The following ESF1 variants were observed in gnomAD, a reference collection of about 807,000 sequenced individuals.
The protein encoded by ESF1 is ESF1 homolog.
Under a neutral mutation model 92.0 loss-of-function variants are expected in ESF1, and 58 were observed. The ratio of observed to expected loss-of-function variants is 0.63; its 90% CI spans 0.51 to 0.78. The LOEUF is 0.78. Among genes scored for constraint, ESF1 ranks in the 30% least tolerant of loss-of-function variants. The pLI is 0.00. For synonymous variants in ESF1, 321 were observed against 313.7 expected (o/e 1.02, Z -0.24); for missense variants, 922 against 989.1 (o/e 0.93, Z 0.91).
rs769003434 is a variant in ESF1, at chr20:13,782,644, T to G, written c.497A>C (p.Lys166Thr). The G allele has an allele frequency of 6.2e-7, 1 of 1,607,126 alleles. No individual in the cohort carries two copies. Among genetic ancestry groups the G allele is most frequent in the East Asian group, 2.2e-5 (1 of 44,734 alleles). ...KDSKEFTQKNKKEKKNIVQHT... is the reference protein window; with the variant it reads ...KDSKEFTQKNTKEKKNIVQHT... Reference sequence around the variant, plus strand: ...TTGAACAATGTTTTTTTTCTCTTTCTTATTTTTTTGTGTAAATTCTTTGCT... The same window carrying G: ...TTGAACAATGTTTTTTTTCTCTTTCGTATTTTTTTGTGTAAATTCTTTGCT... The change falls in exon 2 of 14, where the codon AAG becomes ACG. Residue 166 changes from lysine to threonine, a missense_variant. Lys to Thr is a moderately conservative substitution (Grantham distance 78). Transcript: ENST00000617257.
chr20:13,756,562 T>C (rs1978907146), intron 9 of ESF1, among the ~76,000 whole-genome samples: 1 of 152,222 alleles, frequency 6.6e-6, no homozygotes, highest in African/African-American at 2.4e-5. Flanking sequence ...TCTGGGAAAC[T>C]ATCCTATGAA....
Position 13,714,920 on chromosome 20 carries a change from G to GT in ESF1, c.2509dup (p.Thr837AsnfsTer25). 1 of 1,612,516 alleles carries GT rather than the reference G, an allele frequency of 6.2e-7. No homozygotes were observed. Among genetic ancestry groups the GT allele is most frequent in the South Asian group, 1.1e-5 (1 of 90,704 alleles). ...TCTTGCTTGAAACTGCTCTGTTTTG[G>GT]TTTTTATAGATTTAATCAACATTGA... On this transcript the variant is annotated frameshift_variant, in exon 14 of 14. Transcript: ENST00000617257. LOFTEE classifies it high-confidence loss of function.
At chr20:13,739,000 G>A (rs907904224) in intron 9 of ESF1, among the ~76,000 whole-genome samples, 3 of 152,088 alleles carry the variant, frequency 2.0e-5, no homozygotes, top group Non-Finnish European at 4.4e-5. Context: ...AATACTCTTT[G>A]GGTGCACTTA....
At chr20:13,727,484 C>T (rs2049908223) in intron 11 of ESF1, among the ~76,000 whole-genome samples, 1 of 152,184 alleles carries the variant, frequency 6.6e-6, no homozygotes, top group Non-Finnish European at 1.5e-5. Flanking sequence ...AGGGAAACTT[C>T]ATAAACTCCT....
At chr20:13,774,911 C>T (rs191757514) in intron 4 of ESF1, among the ~76,000 whole-genome samples, 12 of 152,136 alleles carry the variant, frequency 7.9e-5, no homozygotes, top group Admixed American at 7.9e-4. Flanking sequence ...TATGCTGTCC[C>T]TTTACTGAGC....
At chr20:13,725,014 T>C (rs2049891943) in intron 11 of ESF1, among the ~76,000 whole-genome samples, 2 of 152,204 alleles carry the variant, frequency 1.3e-5, no homozygotes, top group South Asian at 2.1e-4. Context: ...TTCAAATTTA[T>C]ACGCCCCATC....
rs560504145 is a variant in ESF1, at chr20:13,715,310, G to A, written c.2263-143C>T. ...CTGAGTGTTTGTACTGATTCATTAG[G>A]AAACTGTTTTTCCATAGCTCTTTAT... On this transcript the variant is annotated intron_variant, in intron 13 of 13. Coordinates refer to ENST00000617257, the MANE Select transcript of ESF1 (RefSeq NM_001276380.2). The A allele has an allele frequency of 4.3e-5, 34 of 787,594 alleles. No homozygotes were observed. The South Asian group carries it at 1.2e-3, about 28-fold the overall frequency. The allele number at this position is 787,594 out of a possible 1,614,324, so 48.8% of individuals were successfully genotyped here. A position where few individuals can be genotyped will look rare whatever the true frequency, so the allele number is the denominator to read the frequency against.
intron 7 of ESF1, among the ~76,000 whole-genome samples, chr20:13,769,528 C>T (rs1052646855): frequency 2.6e-5 from 4 of 152,166 alleles, no homozygotes; most frequent in African/African-American, 9.7e-5. Flanking sequence ...GCTCACGAAA[C>T]CTGTAATCCC....
At chr20:13,768,489 G>A (rs1002502897) in intron 7 of ESF1, among the ~76,000 whole-genome samples, 2 of 152,064 alleles carry the variant, frequency 1.3e-5, no homozygotes, top group Admixed American at 1.3e-4. Flanking sequence ...GGCTGAGGCA[G>A]GAGAATCACT....
Position 13,769,987 on chromosome 20 carries a change from G to A in ESF1, c.1438C>T (p.Pro480Ser). Residue 480 changes from proline (P) to serine (S), a missense_variant, in exon 7 of 14, where the codon CCT (proline) becomes TCT (serine). Coordinates refer to ENST00000617257, the MANE Select transcript of ESF1 (RefSeq NM_001276380.2). Reference sequence around the variant, plus strand: ...TTCACTTCTGAGGCTACATCCTTAGGCTCATCATCAAAAGTAATATCATCT... The same window carrying A: ...TTCACTTCTGAGGCTACATCCTTAGACTCATCATCAAAAGTAATATCATCT... Reference protein sequence around the residue: ...IPDDITFDDEPKDVASEVNLT... With the variant: ...IPDDITFDDESKDVASEVNLT... 5 of 1,609,994 alleles carry A rather than the reference G, an allele frequency of 3.1e-6. No homozygotes were observed. Among genetic ancestry groups the A allele is most frequent in the Non-Finnish European group, 4.2e-6 (5 of 1,178,886 alleles).
At chr20:13,759,614 T>A in intron 9 of ESF1, 78 bp downstream of exon 9, 1 of 1,515,980 alleles carries the variant, frequency 6.6e-7, no homozygotes, top group Non-Finnish European at 8.7e-7. Context: ...CCAAAACATT[T>A]CCGGCTCCTT....
chr20:13,763,052 G>A (rs1029186006), intron 8 of ESF1, among the ~76,000 whole-genome samples: 6 of 151,962 alleles, frequency 3.9e-5, no homozygotes, highest in African/African-American at 1.2e-4. Context: ...TAGTAGAGAC[G>A]GGGTTTCACC....
In ESF1 at chr20:13,715,411, T is replaced by C. The variant is rs139194041; in HGVS notation, c.2263-244A>G. ...GGACAATGTATTTCAAAGGGAATTATAGTGGGCCATACATATACATATTAT... is the reference window on the plus strand; with the variant it reads ...GGACAATGTATTTCAAAGGGAATTACAGTGGGCCATACATATACATATTAT... On this transcript the variant is annotated intron_variant, in intron 13 of 13. Transcript: ENST00000617257. Among the ~76,000 whole-genome samples, 639 of 152,262 alleles carry C rather than the reference T, an allele frequency of 4.2e-3. 3 individuals carry two copies. The highest frequency in any genetic ancestry group is 6.7e-3 in the Non-Finnish European group (456 of 68,012).
intron 9 of ESF1, among the ~76,000 whole-genome samples, chr20:13,750,119 G>T (rs1055993826): frequency 1.8e-4 from 28 of 152,170 alleles, no homozygotes; most frequent in African/African-American, 6.5e-4. Context: ...ATTGAGAAAG[G>T]CTGCAAATCT....
intron 7 of ESF1, among the ~76,000 whole-genome samples, chr20:13,767,180 G>A (rs1353960336): frequency 1.3e-5 from 2 of 152,124 alleles, no homozygotes; most frequent in Non-Finnish European, 2.9e-5. Flanking sequence ...AAATTAACCA[G>A]TGTCTAAATT....
chr20:13,770,063 G>A (rs748969274), intron 6 of ESF1, 42 bp from the exon 7 acceptor site: 2 of 1,158,258 alleles, frequency 1.7e-6, no homozygotes, highest in Non-Finnish European at 2.5e-6. Context: ...ATACGCTGCA[G>A]TGATAACCAC....
chr20:13,750,144 A>T (rs1466030483), intron 9 of ESF1, among the ~76,000 whole-genome samples: 1 of 152,192 alleles, frequency 6.6e-6, no homozygotes, highest in African/African-American at 2.4e-5. Context: ...GAGGACAGAA[A>T]ATGGCAATAT....
At chr20:13,774,209 A>G (rs947024446) in intron 4 of ESF1, among the ~76,000 whole-genome samples, 2 of 152,188 alleles carry the variant, frequency 1.3e-5, no homozygotes, top group African/African-American at 2.4e-5. Flanking sequence ...AAATTACCCT[A>G]GAACAGTAGA....
chr20:13,715,549 A>G (rs754721057), intron 13 of ESF1, among the ~76,000 whole-genome samples: 2 of 152,178 alleles, frequency 1.3e-5, no homozygotes, highest in East Asian at 1.9e-4. Flanking sequence ...TAAATAAGCC[A>G]ATCAGAACAT....
Sources: allele counts gnomAD v4.1 joint callset (sites outside exome capture counted in the v4.1 genomes callset), GRCh38; gene constraint gnomAD v4.1.1; transcripts MANE v1.5; gene names NCBI Gene and HGNC (gene_info 2026-07-23, HGNC 2026-07-21).